The following CCDC144A variants were observed in gnomAD, a reference collection of about 807,000 sequenced individuals.
The protein encoded by CCDC144A is coiled-coil domain-containing protein 144A.
In CCDC144A, 41 loss-of-function variants were observed where a neutral mutation model predicts 143.8. That is an observed-to-expected ratio of 0.29 (90% CI 0.22 to 0.37). CCDC144A has a LOEUF of 0.37. Ranked by LOEUF, CCDC144A falls within the 10% of genes least tolerant of loss-of-function variation. CCDC144A has a pLI of 1.00. For missense variants in CCDC144A, 637 were observed against 1,488.8 expected, an observed-to-expected ratio of 0.43 and a Z score of 9.41; for synonymous variants, 242 against 517.9, an observed-to-expected ratio of 0.47 and a Z score of 7.23.
chr17:16,767,461 AAGG>A (rs1446794821), intron 15 of CCDC144A, among the ~76,000 whole-genome samples: 4 of 148,088 alleles, frequency 2.7e-5, no homozygotes, highest in South Asian at 2.2e-4. Context: ...CAGCTAATAC[AAGG>A]AGGAGGAGGT....
intron 6 of CCDC144A, among the ~76,000 whole-genome samples, chr17:16,718,358 G>A (rs1912892887): frequency 6.6e-6 from 1 of 151,850 alleles, no homozygotes; most frequent in South Asian, 2.1e-4. Context: ...GAGTGTGTTT[G>A]TATGCTGCTG....
chr17:16,746,693 G>C (rs2143297786), intron 12 of CCDC144A: 1 of 1,611,488 alleles, frequency 6.2e-7, no homozygotes. Flanking sequence ...GTCGTGTGCT[G>C]GCAGCGGGCG....
chr17:16,683,823 A>T, the CCDC144A span: 1 of 1,411,612 alleles, frequency 7.1e-7, no homozygotes, highest in Non-Finnish European at 1.0e-6. Context: ...CCGAGCGTGA[A>T]GCCGGCGCCT....
intron 12 of CCDC144A, among the ~76,000 whole-genome samples, chr17:16,744,832 C>T (rs1389011918): frequency 4.6e-5 from 7 of 151,980 alleles, no homozygotes; most frequent in East Asian, 1.9e-4. Flanking sequence ...GAAGAAACTA[C>T]AGAATGCACG....
At chr17:16,767,894 G>A (rs1915674835) in intron 15 of CCDC144A, among the ~76,000 whole-genome samples, 1 of 152,222 alleles carries the variant, frequency 6.6e-6, no homozygotes, top group Non-Finnish European at 1.5e-5. Context: ...CAAACTGAGA[G>A]TCGGGCTGCT....
At chr17:16,756,814 A>G (rs1212595904) in intron 12 of CCDC144A, among the ~76,000 whole-genome samples, 2 of 151,928 alleles carry the variant, frequency 1.3e-5, no homozygotes, top group African/African-American at 2.4e-5. Context: ...TTGGTTGAAT[A>G]TGGTGCTCTG....
intron 12 of CCDC144A, among the ~76,000 whole-genome samples, chr17:16,744,642 C>G (rs1914409756): frequency 6.6e-6 from 1 of 151,818 alleles, no homozygotes; most frequent in African/African-American, 2.4e-5. Context: ...TACATTCTTT[C>G]ATTGTTTAGG....
chr17:16,714,776 G>T (rs1044079747), intron 6 of CCDC144A, among the ~76,000 whole-genome samples: 5 of 151,756 alleles, frequency 3.3e-5, no homozygotes, highest in African/African-American at 9.7e-5. Flanking sequence ...ATGTGTCAGG[G>T]TTCCTCCTCA....
the CCDC144A span, among the ~76,000 whole-genome samples, chr17:16,673,072 T>C: frequency 6.6e-6 from 1 of 152,138 alleles, no homozygotes; most frequent in African/African-American, 2.4e-5. Context: ...CAATTGTACA[T>C]GTTATAAAGT....
rs1182579346 is a variant in CCDC144A at position 16,775,225 on chromosome 17, C to T, written c.*1592C>T. 6.6e-6 allele frequency: 1 copy of T among 152,206 alleles called. No individual in the cohort carries two copies. 9.4% of individuals were successfully genotyped at this position (152,206 alleles called of 1,614,324 possible). On this transcript the variant is annotated 3_prime_UTR_variant, in exon 17 of 17. Coordinates refer to ENST00000399273, the MANE Select transcript of CCDC144A (RefSeq NM_001382000.1). ...TTAGTTATATTCCTTTGGGTATATA[C>T]CAAGTAATGGGATTGCTGGGTTAAA... is the stretch of plus-strand genomic sequence containing the variant.
At chr17:16,688,453 G>T (rs1316409887), upstream of CCDC144A, among the ~76,000 whole-genome samples, 2 of 151,226 alleles carry the variant, frequency 1.3e-5, no homozygotes, top group African/African-American at 4.9e-5. Context: ...CCAAGATTGA[G>T]GAGGCAGGGT....
chr17:16,691,003 C>T (rs1288951158), intron 1 of CCDC144A, among the ~76,000 whole-genome samples: 1 of 152,206 alleles, frequency 6.6e-6, no homozygotes, highest in African/African-American at 2.4e-5. Context: ...AAGCTGAATA[C>T]CTATTATACA....
intron 12 of CCDC144A, among the ~76,000 whole-genome samples, chr17:16,744,913 T>C (rs780865610): frequency 3.9e-5 from 6 of 152,190 alleles, no homozygotes; most frequent in Non-Finnish European, 8.8e-5. Context: ...GTGTGTGCTA[T>C]ATCTCGTTTA....
At chr17:16,739,308 T>C (rs1419572616) in intron 12 of CCDC144A, among the ~76,000 whole-genome samples, 2 of 126,054 alleles carry the variant, frequency 1.6e-5, no homozygotes, top group Non-Finnish European at 3.2e-5. Context: ...GGTCTCACTA[T>C]GTTGTCCAGG....
chr17:16,709,859 G>T (rs550376205), intron 5 of CCDC144A, among the ~76,000 whole-genome samples: 5 of 152,158 alleles, frequency 3.3e-5, no homozygotes, highest in Non-Finnish European at 7.4e-5. Flanking sequence ...TCCAAGTGGC[G>T]TATGGATTGT....
At chr17:16,677,668 C>T in the CCDC144A span, among the ~76,000 whole-genome samples, 4 of 151,950 alleles carry the variant, frequency 2.6e-5, no homozygotes, top group South Asian at 8.4e-4. Flanking sequence ...CGCGTCTCTA[C>T]TAAAAATACA....
At chr17:16,683,362 C>T in the CCDC144A span, 9 of 620,866 alleles carry the variant, frequency 1.4e-5, no homozygotes, top group Middle Eastern at 2.8e-4. Flanking sequence ...AAACTTGTCA[C>T]AGTTTAGGAC....
At chr17:16,700,021 G>T (rs974356595) in intron 2 of CCDC144A, among the ~76,000 whole-genome samples, 1 of 152,174 alleles carries the variant, frequency 6.6e-6, no homozygotes, top group African/African-American at 2.4e-5. Context: ...ATTGTATAAT[G>T]CAATTGTATC....
At chr17:16,745,195 G>A (rs890167059) in intron 12 of CCDC144A, among the ~76,000 whole-genome samples, 1 of 148,462 alleles carries the variant, frequency 6.7e-6, no homozygotes, top group African/African-American at 2.5e-5. Flanking sequence ...CTCTTCACTC[G>A]ACACCATGGC....
Sources: allele counts gnomAD v4.1 joint callset (sites outside exome capture counted in the v4.1 genomes callset), GRCh38; gene constraint gnomAD v4.1.1; transcripts MANE v1.5; gene names NCBI Gene and HGNC (gene_info 2026-07-23, HGNC 2026-07-21).